Variants in FOXP2 observed in about 807,000 individuals in gnomAD.
The protein encoded by FOXP2 is forkhead box P2.
In FOXP2, 12 loss-of-function variants were observed where a neutral mutation model predicts 115.8. The ratio of observed to expected loss-of-function variants is 0.10; its 90% CI spans 0.07 to 0.17. The LOEUF (loss-of-function observed/expected upper bound fraction) is 0.17. Ranked by LOEUF, FOXP2 falls within the 10% of genes least tolerant of loss-of-function variation. The pLI, the probability that FOXP2 is intolerant of heterozygous loss-of-function variation, is 1.00. For missense variants in FOXP2, 629 were observed against 843.5 expected (o/e 0.75, Z 3.15); for synonymous variants, 328 against 297.7 (o/e 1.10, Z -1.05).
At chr7:114,623,537 T>C (rs1000708638) in intron 3 of FOXP2, among the ~76,000 whole-genome samples, 6 of 151,904 alleles carry the variant, frequency 3.9e-5, no homozygotes, top group African/African-American at 1.4e-4. Flanking sequence ...AGTTGCATTT[T>C]TGGCCTTTAA....
intron 2 of FOXP2, among the ~76,000 whole-genome samples, chr7:114,355,279 TG>T (rs2129186554): frequency 6.6e-6 from 1 of 152,230 alleles, no homozygotes; most frequent in Non-Finnish European, 1.5e-5. Context: ...CCTCCACAGG[TG>T]ATTCAAATCT....
intron 16 of FOXP2, among the ~76,000 whole-genome samples, chr7:114,674,203 G>T (rs146644585): frequency 6.6e-6 from 1 of 152,100 alleles, no homozygotes; most frequent in Non-Finnish European, 1.5e-5. Context: ...GACTAAGGGA[G>T]GATAACATTT....
At chr7:114,486,977 T>C (rs1796815052) in intron 2 of FOXP2, among the ~76,000 whole-genome samples, 1 of 152,114 alleles carries the variant, frequency 6.6e-6, no homozygotes, top group Non-Finnish European at 1.5e-5. Context: ...AATCTACCAC[T>C]CTGGGGTCTG....
At chr7:114,443,740 A>G (rs1794709691) in intron 2 of FOXP2, among the ~76,000 whole-genome samples, 1 of 152,188 alleles carries the variant, frequency 6.6e-6, no homozygotes, top group Admixed American at 6.6e-5. Context: ...ATGTTGCTGC[A>G]GAGGACATGA....
chr7:114,240,025 T>C (rs114852451), intron 1 of FOXP2, among the ~76,000 whole-genome samples: 1 of 152,152 alleles, frequency 6.6e-6, no homozygotes, highest in Non-Finnish European at 1.5e-5. Context: ...GAAGACCTAG[T>C]ATGAGGAAAT....
chr7:114,162,817 ATTC>A (rs747310272), upstream of FOXP2: 1 of 152,082 alleles, frequency 6.6e-6, no homozygotes, highest in Non-Finnish European at 1.5e-5. Context: ...TAACAAGGCA[ATTC>A]TTATATTTCT....
intron 1 of FOXP2, among the ~76,000 whole-genome samples, chr7:114,090,994 T>C (rs1799532147): frequency 6.6e-6 from 1 of 151,750 alleles, no homozygotes; most frequent in African/African-American, 2.4e-5. Context: ...CCAGCTTTGG[T>C]TATGTGAAAA....
intron 1 of FOXP2, among the ~76,000 whole-genome samples, chr7:114,280,473 G>A (rs578052765): frequency 2.0e-5 from 3 of 152,074 alleles, no homozygotes; most frequent in Admixed American, 6.6e-5. Context: ...TCATAGTAGC[G>A]TACATTTACA....
At chr7:114,191,816 T>G (rs971205054) in intron 1 of FOXP2, among the ~76,000 whole-genome samples, 2 of 152,178 alleles carry the variant, frequency 1.3e-5, no homozygotes, top group Non-Finnish European at 2.9e-5. Context: ...TTTTTTGTGT[T>G]GTTTTTTTCC....
At chr7:114,399,126 T>TG (rs1445224180) in intron 2 of FOXP2, among the ~76,000 whole-genome samples, 5 of 151,454 alleles carry the variant, frequency 3.3e-5, no homozygotes, top group Admixed American at 6.6e-5. Context: ...TTTTTTTTTT[T>TG]TTGAGACAGA....
chr7:114,269,303 C>A lies in FOXP2; in HGVS notation c.-101-18716C>A, dbSNP rs193225081. 3.3e-5 allele frequency among the ~76,000 whole-genome samples: 5 copies of A among 152,166 alleles called. No homozygotes were observed. In the East Asian group the frequency reaches 9.6e-4, roughly 29 times the overall value. The stretch of plus-strand genomic sequence containing the variant: ...AAAAGAATTATTTGTAATTAAAATG[C>A]CTTAAACATGGAAGTATTTTGCGTT... On this transcript the variant is annotated intron_variant, in intron 1 of 17. Coordinates refer to the FOXP2 transcript ENST00000634411.
chr7:114,466,420 C>G (rs140229316), intron 2 of FOXP2, among the ~76,000 whole-genome samples: 192 of 152,322 alleles, frequency 1.3e-3, no homozygotes, highest in African/African-American at 3.8e-3. Flanking sequence ...AATGGCCTCC[C>G]AGATGTGTTG....
At chr7:114,242,178 A>G (rs1297313198) in intron 1 of FOXP2, among the ~76,000 whole-genome samples, 1 of 151,792 alleles carries the variant, frequency 6.6e-6, no homozygotes, top group Non-Finnish European at 1.5e-5. Context: ...ATAATTTGAA[A>G]AATACAGCCT....
At chr7:114,165,101 G>T (rs996403037) in intron 1 of FOXP2, among the ~76,000 whole-genome samples, 1 of 152,110 alleles carries the variant, frequency 6.6e-6, no homozygotes. Flanking sequence ...GGAGGTTCCA[G>T]AATTTTCTGG....
rs771266770 is a variant in FOXP2, at chr7:114,534,634, A to G, written c.186A>G (p.Arg62=). The G allele has an allele frequency of 3.1e-6, 5 of 1,611,988 alleles. No individual in the cohort carries two copies. Among genetic ancestry groups the G allele is most frequent in the Non-Finnish European group, 4.2e-6 (5 of 1,178,498 alleles). The part of the protein sequence containing the change: ...LQQQQALQAA[R]QLLLQQQTSG... The stretch of plus-strand genomic sequence containing the variant: ...ACTTCTAGGCTCTCCAGGCAGCAAG[A>G]CAACTTCTTTTACAGCAGCAAACAA... Residue 62 remains arginine (R), a synonymous_variant, in exon 3 of 17, where the codon AGA becomes AGG. Coordinates refer to ENST00000350908, the MANE Select transcript of FOXP2 (RefSeq NM_014491.4).
At chr7:114,627,650 TTTATA>T (rs1410039271) in intron 3 of FOXP2, among the ~76,000 whole-genome samples, 16 of 152,062 alleles carry the variant, frequency 1.1e-4, no homozygotes, top group Admixed American at 1.0e-3. Flanking sequence ...TTCTTTCTCC[TTTATA>T]TCTTTTTCTC....
intron 2 of FOXP2, 21 bp downstream of exon 2, chr7:114,426,700 T>A: frequency 6.2e-7 from 1 of 1,609,316 alleles, no homozygotes; most frequent in Non-Finnish European, 8.5e-7. Flanking sequence ...TTTTCCTCAG[T>A]GCTTCCTTAA....
chr7:114,271,059 A>T (rs182996568), intron 1 of FOXP2, among the ~76,000 whole-genome samples: 41 of 152,006 alleles, frequency 2.7e-4, no homozygotes, highest in African/African-American at 9.9e-4. Context: ...TTCCTTTATC[A>T]AAGTTAAATT....
At chr7:114,533,793 A>G (rs572270654) in intron 2 of FOXP2, among the ~76,000 whole-genome samples, 3 of 151,834 alleles carry the variant, frequency 2.0e-5, no homozygotes, top group Admixed American at 6.6e-5. Context: ...TTTACTATGC[A>G]TTTTGGTCTA....
Sources: allele counts gnomAD v4.1 joint callset (sites outside exome capture counted in the v4.1 genomes callset), GRCh38; gene constraint gnomAD v4.1.1; transcripts MANE v1.5; gene names NCBI Gene and HGNC (gene_info 2026-07-23, HGNC 2026-07-21).